The following OPCML variants were observed in gnomAD, a reference collection of about 807,000 sequenced individuals.
The protein encoded by OPCML is opioid-binding protein/cell adhesion molecule.
A neutral mutation model predicts 37.8 loss-of-function variants in OPCML; 13 were observed. That is an observed-to-expected ratio of 0.34 (90% CI 0.22 to 0.55). OPCML has a LOEUF of 0.55. Among genes scored for constraint, OPCML ranks in the 20% least tolerant of loss-of-function variants. The pLI, the probability that OPCML is intolerant of heterozygous loss-of-function variation, is 0.91. For synonymous variants in OPCML, 176 were observed against 168.8 expected, an observed-to-expected ratio of 1.04 and a Z score of -0.33; for missense variants, 341 against 435.6, an observed-to-expected ratio of 0.78 and a Z score of 1.93.
chr11:132,797,563 C>T (rs997685923), intron 2 of OPCML, among the ~76,000 whole-genome samples: 1 of 152,038 alleles, frequency 6.6e-6, no homozygotes, highest in Non-Finnish European at 1.5e-5. Flanking sequence ...TTTTCCAGTG[C>T]AAATAAACAT....
intron 1 of OPCML, among the ~76,000 whole-genome samples, chr11:133,522,464 A>G (rs550330657): frequency 6.6e-6 from 1 of 152,346 alleles, no homozygotes; most frequent in South Asian, 2.1e-4. Flanking sequence ...AATGCCACTG[A>G]AGGAGACAGG....
chr11:132,554,883 T>TTTTTTTTTTTC lies in OPCML; in HGVS notation c.380-25698_380-25697insGAAAAAAAAAA, dbSNP rs1255603307. Among the ~76,000 whole-genome samples, 10 of 125,740 alleles carry TTTTTTTTTTTC rather than the reference T, an allele frequency of 8.0e-5. 1 individual carries two copies. The East Asian group carries it at 1.4e-3, about 18-fold the overall frequency. 82.5% of individuals were successfully genotyped at this position (125,740 alleles called of 152,430 possible). A position where few individuals can be genotyped will look rare whatever the true frequency, so the allele number is the denominator to read the frequency against. On this transcript the variant is annotated intron_variant, in intron 3 of 7. Coordinates refer to ENST00000524381, the MANE Select transcript of OPCML (RefSeq NM_001012393.5). ...GTAAAGTTTTTTTTTTTTTTTTTTT[T>TTTTTTTTTTTC]TTTTTTTTCATTAGCTCTATGGTTA... is the stretch of plus-strand genomic sequence containing the variant.
At position 133,106,579 on chromosome 11, in the gene OPCML, C is replaced by A. The variant is rs186348760; in HGVS notation, c.62-163569G>T. Reference sequence around the variant, plus strand: ...GGGCTGCAGTGCTTATAGCAATGTGCTACATCCAGATGGCAAATGGGATGA... The same window carrying A: ...GGGCTGCAGTGCTTATAGCAATGTGATACATCCAGATGGCAAATGGGATGA... On this transcript the variant is annotated intron_variant, in intron 1 of 7. Coordinates refer to ENST00000524381, the MANE Select transcript of OPCML (RefSeq NM_001012393.5). Among the ~76,000 whole-genome samples the A allele has an allele frequency of 5.3e-5, 8 of 152,270 alleles. 1 individual carries two copies. Among genetic ancestry groups the A allele is most frequent in the Admixed American group, 2.0e-4 (3 of 15,296 alleles).
chr11:133,157,535 G>T (rs558687555), intron 1 of OPCML, among the ~76,000 whole-genome samples: 7 of 152,296 alleles, frequency 4.6e-5, no homozygotes, highest in African/African-American at 1.7e-4. Flanking sequence ...CTTAGCTGAG[G>T]AGTTATCAGC....
chr11:133,399,619 C>T (rs144435777), intron 1 of OPCML, among the ~76,000 whole-genome samples: 3 of 152,056 alleles, frequency 2.0e-5, no homozygotes, highest in Non-Finnish European at 4.4e-5. Context: ...CCCCCTCTAT[C>T]CACTCCTCTG....
chr11:133,341,854 G>C (rs1943876746), intron 1 of OPCML, among the ~76,000 whole-genome samples: 1 of 152,088 alleles, frequency 6.6e-6, no homozygotes, highest in African/African-American at 2.4e-5. Context: ...GGAGGTGGAG[G>C]TTGCAGTGAG....
intron 1 of OPCML, among the ~76,000 whole-genome samples, chr11:133,482,572 G>T (rs1947401720): frequency 6.6e-6 from 1 of 152,084 alleles, no homozygotes; most frequent in Non-Finnish European, 1.5e-5. Context: ...GCTGCTGAAT[G>T]CTCCTGTTAC....
At chr11:133,025,545 A>G (rs968672109) in intron 1 of OPCML, 2 of 828,764 alleles carry the variant, frequency 2.4e-6, no homozygotes, top group African/African-American at 3.7e-5. Flanking sequence ...CTGAAAATTT[A>G]AAAAGAGTGG....
intron 2 of OPCML, among the ~76,000 whole-genome samples, chr11:132,765,349 T>G (rs534676029): frequency 2.0e-5 from 3 of 152,230 alleles, no homozygotes; most frequent in African/African-American, 7.2e-5. Context: ...ATTTTTATTA[T>G]CCGAAACATT....
At chr11:132,926,862 G>A (rs7123307) in intron 2 of OPCML, among the ~76,000 whole-genome samples, 18,385 of 151,830 alleles carry the variant, frequency 0.12, 1,484 homozygotes, top group Middle Eastern at 0.18. Flanking sequence ...AATAAAATTA[G>A]ACTATGAAAA....
At chr11:133,530,382 G>A (rs1317906747) in intron 1 of OPCML, among the ~76,000 whole-genome samples, 1 of 152,232 alleles carries the variant, frequency 6.6e-6, no homozygotes. Flanking sequence ...TGCCATAAGG[G>A]GCGCATCCAT....
intron 1 of OPCML, among the ~76,000 whole-genome samples, chr11:133,518,221 G>GT (rs1948324211): frequency 6.6e-6 from 1 of 151,616 alleles, no homozygotes; most frequent in Non-Finnish European, 1.5e-5. Flanking sequence ...ATAAGTGTGT[G>GT]GGGGGGTGTG....
intron 4 of OPCML, among the ~76,000 whole-genome samples, chr11:132,448,530 G>A (rs550377793): frequency 6.6e-6 from 1 of 152,312 alleles, no homozygotes; most frequent in Non-Finnish European, 1.5e-5. Context: ...AAGGGGCGAA[G>A]TCTCCACTAG....
intron 1 of OPCML, among the ~76,000 whole-genome samples, chr11:133,030,866 A>G (rs56030748): frequency 0.1 from 15,759 of 151,970 alleles, 1,296 homozygotes; most frequent in East Asian, 0.3. Context: ...CGTCCTTTGC[A>G]CTGTGCTCAG....
chr11:132,457,675 C>G (rs1168764635), intron 4 of OPCML, among the ~76,000 whole-genome samples: 1 of 152,180 alleles, frequency 6.6e-6, no homozygotes, highest in Non-Finnish European at 1.5e-5. Context: ...TGCCCTGAAC[C>G]TTTGTTTCCC....
chr11:133,515,801 G>A (rs1460672026), intron 1 of OPCML, among the ~76,000 whole-genome samples: 1 of 151,750 alleles, frequency 6.6e-6, no homozygotes, highest in Non-Finnish European at 1.5e-5. Context: ...GGTCAAGGCA[G>A]GGTCTCCAAG....
intron 2 of OPCML, among the ~76,000 whole-genome samples, chr11:132,938,503 G>C (rs1945470609): frequency 6.6e-6 from 1 of 152,206 alleles, no homozygotes; most frequent in South Asian, 2.1e-4. Flanking sequence ...AGTTGTTATT[G>C]AGGAGTTCAA....
Position 132,442,892 on chromosome 11 carries a change from G to T in OPCML, c.506-5533C>A, listed in dbSNP as rs148603176. Among the ~76,000 whole-genome samples the T allele has an allele frequency of 6.1e-4, 93 of 152,232 alleles. 1 individual carries two copies. In the East Asian group the frequency reaches 0.016, roughly 26 times the overall value. ...TGCTTTATAAATTCCCCAGTCTCGG[G>T]TGTGTCTTTATTAGCAGCGTAAGAA... On this transcript the variant is annotated intron_variant, in intron 4 of 7. Transcript: ENST00000524381.
intron 1 of OPCML, among the ~76,000 whole-genome samples, chr11:133,431,008 T>A (rs1946104386): frequency 6.6e-6 from 1 of 152,164 alleles, no homozygotes; most frequent in South Asian, 2.1e-4. Context: ...TCTAAAAATT[T>A]TCATTAAGAA....
Sources: allele counts gnomAD v4.1 joint callset (sites outside exome capture counted in the v4.1 genomes callset), GRCh38; gene constraint gnomAD v4.1.1; transcripts MANE v1.5; gene names NCBI Gene and HGNC (gene_info 2026-07-23, HGNC 2026-07-21).